EXOSC10: variants seen among roughly 807,000 people sequenced by gnomAD.
The protein encoded by EXOSC10 is exosome component 10, also known as exosome complex component 10.
EXOSC10 carries 94 observed loss-of-function variants against 126.6 expected under a neutral mutation model. The observed-to-expected ratio is 0.74, with a 90% CI of 0.63 to 0.88. The LOEUF (loss-of-function observed/expected upper bound fraction) is 0.88, where lower values mean the gene tolerates loss of function less well. EXOSC10 is among the 40% of genes least tolerant of loss of function. The pLI, the probability that EXOSC10 is intolerant of heterozygous loss-of-function variation, is 0.00. For missense variants in EXOSC10, 1,041 were observed against 1,100.5 expected (o/e 0.95, Z 0.77); for synonymous variants, 395 against 400.8 (o/e 0.99, Z 0.17).
Position 11,074,019 on chromosome 1 carries a change from G to A in EXOSC10, c.2083-11C>T. On this transcript the variant is annotated splice_polypyrimidine_tract_variant and intron_variant, in intron 18 of 24. Coordinates refer to ENST00000376936, the MANE Select transcript of EXOSC10 (RefSeq NM_001001998.3). ...CAGTGAGGGCAGAAACTGGAGGAAG[G>A]AAATGGCTGTGTGAAACGCTGCCGG... The A allele has an allele frequency of 6.2e-7, 1 of 1,613,536 alleles. No individual in the cohort carries two copies. The highest frequency in any genetic ancestry group is 8.5e-7 in the Non-Finnish European group (1 of 1,179,514).
intron 1 of EXOSC10, among the ~76,000 whole-genome samples, chr1:11,098,364 TGA>T (rs1211117976): frequency 6.6e-6 from 1 of 152,208 alleles, no homozygotes; most frequent in Non-Finnish European, 1.5e-5. Context: ...TTGGGAGAGT[TGA>T]GAGACAGAAT....
rs1372444551 is a variant in EXOSC10 at position 11,088,065 on chromosome 1, T to C, written c.834+58A>G. On this transcript the variant is annotated intron_variant, in intron 7 of 24. Transcript: ENST00000376936. ...GTCAAAATTGCATCAATGAATCTACTTATTTGATTCCTCTTGGGCTACTAC... is the reference window on the plus strand; with the variant it reads ...GTCAAAATTGCATCAATGAATCTACCTATTTGATTCCTCTTGGGCTACTAC... 6.3e-6 allele frequency: 9 copies of C among 1,418,216 alleles called. No individual in the cohort carries two copies. In the Admixed American group the frequency reaches 7.6e-5, roughly 12 times the overall value. 87.9% of individuals were successfully genotyped at this position (1,418,216 alleles called of 1,614,324 possible). A position where few individuals can be genotyped will look rare whatever the true frequency, so the allele number is the denominator to read the frequency against.
intron 13 of EXOSC10, 41 bp downstream of exon 13, chr1:11,080,458 A>G (rs368620340): frequency 4.1e-5 from 66 of 1,610,036 alleles, no homozygotes; most frequent in Non-Finnish European, 5.4e-5. Context: ...CATCAGATCT[A>G]CTGAGAAAGT....
intron 17 of EXOSC10, among the ~76,000 whole-genome samples, chr1:11,075,364 G>T (rs1639750571): frequency 6.6e-6 from 1 of 152,146 alleles, no homozygotes. Flanking sequence ...TTGAAATTAT[G>T]CAACAAAATG....
At chr1:11,072,548 G>A (rs892294164) in intron 19 of EXOSC10, 3 of 182,352 alleles carry the variant, frequency 1.6e-5, no homozygotes, top group Non-Finnish European at 3.5e-5. Context: ...CTGGGCTTCC[G>A]CAAGTCTGCT....
intron 6 of EXOSC10, among the ~76,000 whole-genome samples, chr1:11,089,036 A>G (rs1426888701): frequency 3.9e-5 from 6 of 152,004 alleles, no homozygotes. Flanking sequence ...CCTGGACAAC[A>G]CAGAAAGACC....
At chr1:11,080,269 A>G (rs1640069871) in intron 13 of EXOSC10, among the ~76,000 whole-genome samples, 1 of 152,182 alleles carries the variant, frequency 6.6e-6, no homozygotes, top group Non-Finnish European at 1.5e-5. Context: ...ACTTAAAATA[A>G]ACTCAAACTA....
Position 11,091,185 on chromosome 1 carries a change from A to G in EXOSC10, c.478-6T>C. ...TTTTTGCCATATTCTGCTGCCTATG[A>G]TCAATGAATACAAATACTTTATAAC... On this transcript the variant is annotated splice_polypyrimidine_tract_variant and splice_region_variant and intron_variant, in intron 4 of 24. Coordinates refer to ENST00000376936, the MANE Select transcript of EXOSC10 (RefSeq NM_001001998.3). The G allele has an allele frequency of 6.2e-7, 1 of 1,610,798 alleles. No homozygotes were observed.
chr1:11,081,562 G>GA (rs1640168759), intron 10 of EXOSC10, among the ~76,000 whole-genome samples: 1 of 152,174 alleles, frequency 6.6e-6, no homozygotes, highest in Admixed American at 6.5e-5. Context: ...CCTTGGACAA[G>GA]TTCCTTAACC....
chr1:11,090,680 A>G lies in EXOSC10; in HGVS notation c.644-12T>C. 6.4e-7 allele frequency: 1 copy of G among 1,571,660 alleles called. No homozygotes were observed. Among genetic ancestry groups the G allele is most frequent in the Non-Finnish European group, 8.7e-7 (1 of 1,151,302 alleles). ...TTCCTTAGAGAGAGCTGGGGATCCC[A>G]GCAGTGACAAAAACATCATTAGCAC... On this transcript the variant is annotated splice_polypyrimidine_tract_variant and intron_variant, in intron 5 of 24. Coordinates refer to ENST00000376936, the MANE Select transcript of EXOSC10 (RefSeq NM_001001998.3).
rs202107609 is a variant in EXOSC10, at chr1:11,080,756, T to C, written c.1586+8A>G. Reference sequence around the variant, plus strand: ...AAACAAGTATTAAAAGAACCTCTAATCCCTTACCCGTAACTTTCATCTTCC... The same window carrying C: ...AAACAAGTATTAAAAGAACCTCTAACCCCTTACCCGTAACTTTCATCTTCC... On this transcript the variant is annotated splice_region_variant and intron_variant, in intron 12 of 24. Transcript: ENST00000376936. 2 of 1,614,080 alleles carry C rather than the reference T, an allele frequency of 1.2e-6. No individual in the cohort carries two copies. The highest frequency in any genetic ancestry group is 1.7e-6 in the Non-Finnish European group (2 of 1,179,998).
intron 3 of EXOSC10, among the ~76,000 whole-genome samples, chr1:11,092,277 C>G (rs943818524): frequency 6.6e-6 from 1 of 151,816 alleles, no homozygotes; most frequent in Non-Finnish European, 1.5e-5. Context: ...AGTGTAATGG[C>G]GTGATCTCAG....
chr1:11,082,732 G>T lies in EXOSC10; in HGVS notation c.1236C>A (p.Asn412Lys). The T allele has an allele frequency of 1.2e-6, 2 of 1,614,224 alleles. No individual in the cohort carries two copies. Among genetic ancestry groups the T allele is most frequent in the East Asian group, 4.5e-5 (2 of 44,882 alleles). ...SLDHLLKLYC[N>K]VDSNKQYQLA... The stretch of plus-strand genomic sequence containing the variant: ...GCTGATATTGCTTGTTTGAGTCCAC[G>T]TTGCAGTAGAGTTTCAGGAGATGAT... Residue 412 changes from asparagine to lysine, a missense_variant, in exon 10 of 25, where the codon AAC becomes AAA. By Grantham distance (94) the Asn-to-Lys change is moderately conservative (BLOSUM62 0). Around this residue, in one of 3 missense-constraint regions of EXOSC10, gnomAD observed 645 missense variants for 656.3 expected, o/e 0.98. Transcript: ENST00000376936.
chr1:11,094,004 CAGG>C lies in EXOSC10; in HGVS notation c.372+1751_372+1753del, dbSNP rs200579251. Among the ~76,000 whole-genome samples the C allele has an allele frequency of 4.8e-3, 724 of 152,236 alleles. 4 individuals are homozygous for C. Among genetic ancestry groups the C allele is most frequent in the African/African-American group, 0.017 (691 of 41,544 alleles). On this transcript the variant is annotated intron_variant, in intron 3 of 24. Coordinates refer to ENST00000376936, the MANE Select transcript of EXOSC10 (RefSeq NM_001001998.3). ...CTGTGGTGGGAGGATCGCTTGAGCC[CAGG>C]AGTTCAAGGTTGCAGTGAGTTATGG...
At position 11,087,594 on chromosome 1, in the gene EXOSC10, A is replaced by G. The variant is rs753503971; in HGVS notation, c.946-3T>C. The G allele has an allele frequency of 1.2e-6, 2 of 1,613,958 alleles. No homozygotes were observed. The highest frequency in any genetic ancestry group is 4.5e-5 in the East Asian group (2 of 44,896). ...AGGAAGCTCCTGTAAGAGTGGTGCTAAACCCCACAGAAGGAGGGGAGAAGA... is the reference window on the plus strand; with the variant it reads ...AGGAAGCTCCTGTAAGAGTGGTGCTGAACCCCACAGAAGGAGGGGAGAAGA... On this transcript the variant is annotated splice_polypyrimidine_tract_variant and splice_region_variant and intron_variant, in intron 8 of 24. Transcript: ENST00000376936.
At position 11,090,566 on chromosome 1, in the gene EXOSC10, A is replaced by G. The variant is rs1342977551; in HGVS notation, c.746T>C (p.Val249Ala). 32 of 1,613,916 alleles carry G rather than the reference A, an allele frequency of 2.0e-5. No individual in the cohort carries two copies. Among genetic ancestry groups the G allele is most frequent in the Non-Finnish European group, 2.6e-5 (31 of 1,179,928 alleles). ...GGCCAACACTTACATGTCTTGCTCA[A>G]CCTGCTGGGTTCTCTGCTGATGGAT... ...DFIHQQRTQQ[V>A]EQDMFAHPYQ... Residue 249 changes from valine (V) to alanine (A), a missense_variant, in exon 6 of 25, where the codon GTT becomes GCT. Coordinates refer to ENST00000376936, the MANE Select transcript of EXOSC10 (RefSeq NM_001001998.3).
At position 11,090,606 on chromosome 1, in the gene EXOSC10, CA is replaced by C; in HGVS notation, c.705del (p.Ala236HisfsTer27). 6.2e-7 allele frequency: 1 copy of C among 1,614,128 alleles called. No individual in the cohort carries two copies. Among genetic ancestry groups the C allele is most frequent in the Non-Finnish European group, 8.5e-7 (1 of 1,180,016 alleles). Reference sequence around the variant, plus strand: ...TGCTGATGGATGAAATCAGCCAGTGCAGGGGGGACGTCCAAGTCCTCAGGAC... The same window carrying C: ...TGCTGATGGATGAAATCAGCCAGTGCGGGGGGACGTCCAAGTCCTCAGGAC... ...QDRPEDLDVP[P>X]ALADFIHQQR... On this transcript the variant is annotated frameshift_variant, in exon 6 of 25. Coordinates refer to ENST00000376936, the MANE Select transcript of EXOSC10 (RefSeq NM_001001998.3). LOFTEE classifies it high-confidence loss of function.
intron 21 of EXOSC10, 114 bp from the exon 22 acceptor site, chr1:11,069,844 CAGT>C: frequency 1.8e-6 from 2 of 1,132,740 alleles, no homozygotes; most frequent in Non-Finnish European, 2.5e-6. Flanking sequence ...GAAGAACAGT[CAGT>C]GGTGGGGAGA....
At chr1:11,079,624 C>G (rs1640031675) in intron 14 of EXOSC10, 87 bp downstream of exon 14, 1 of 1,120,834 alleles carries the variant, frequency 8.9e-7, no homozygotes, top group Non-Finnish European at 1.3e-6. Context: ...GAACTCCTGA[C>G]CTGAAATGAT....
Sources: allele counts gnomAD v4.1 joint callset (sites outside exome capture counted in the v4.1 genomes callset), GRCh38; gene constraint gnomAD v4.1.1; regional missense constraint gnomAD v4.1.1; transcripts MANE v1.5; gene names NCBI Gene and HGNC (gene_info 2026-07-23, HGNC 2026-07-21).